The following TNR variants were observed in gnomAD, a reference collection of about 807,000 sequenced individuals.
TNR encodes the protein tenascin R.
In TNR, 45 loss-of-function variants were observed where a neutral mutation model predicts 150.4. The observed-to-expected ratio is 0.30, with a 90% CI of 0.24 to 0.38. The LOEUF is 0.38. TNR is among the 10% of genes least tolerant of loss of function. The pLI is 1.00. For missense variants in TNR, 1,544 were observed against 1,759.1 expected (o/e 0.88, Z 2.19); for synonymous variants, 687 against 678.4 (o/e 1.01, Z -0.20).
intron 6 of TNR, among the ~76,000 whole-genome samples, chr1:175,391,997 C>A (rs1016761900): frequency 1.3e-5 from 2 of 152,128 alleles, no homozygotes; most frequent in African/African-American, 4.8e-5. Context: ...GTGAATCTGT[C>A]GATGTCTTGT....
chr1:175,646,206 A>C (rs1452916519), intron 1 of TNR, among the ~76,000 whole-genome samples: 1 of 152,186 alleles, frequency 6.6e-6, no homozygotes, highest in African/African-American at 2.4e-5. Flanking sequence ...ATGGCCACTA[A>C]AAGGGCTCCC....
At chr1:175,522,784 A>G (rs1424742844) in intron 2 of TNR, among the ~76,000 whole-genome samples, 1 of 152,250 alleles carries the variant, frequency 6.6e-6, no homozygotes, top group Non-Finnish European at 1.5e-5. Flanking sequence ...CTCATTCACA[A>G]AATTGTAAGT....
At chr1:175,671,520 T>A (rs16848919) in intron 1 of TNR, among the ~76,000 whole-genome samples, 2,889 of 152,262 alleles carry the variant, frequency 0.019, 83 homozygotes, top group African/African-American at 0.064. Flanking sequence ...ATGCCAGTCT[T>A]CACTCAGCAT....
At chr1:175,692,843 T>G (rs1291094053) in intron 1 of TNR, among the ~76,000 whole-genome samples, 1 of 152,216 alleles carries the variant, frequency 6.6e-6, no homozygotes, top group Non-Finnish European at 1.5e-5. Context: ...CACATTGTTA[T>G]GTGAACTGGT....
At chr1:175,685,200 C>G (rs977418298) in intron 1 of TNR, among the ~76,000 whole-genome samples, 1 of 152,218 alleles carries the variant, frequency 6.6e-6, no homozygotes, top group African/African-American at 2.4e-5. Context: ...CTTTTTGTCC[C>G]TCAGTAATTG....
chr1:175,442,943 C>T (rs1327401615), intron 2 of TNR, among the ~76,000 whole-genome samples: 2 of 148,820 alleles, frequency 1.3e-5, no homozygotes, highest in Non-Finnish European at 2.9e-5. Context: ...GTGTTCAGTG[C>T]TATTTTGGTC....
chr1:175,570,901 G>A (rs998655092), intron 1 of TNR, among the ~76,000 whole-genome samples: 2 of 152,118 alleles, frequency 1.3e-5, no homozygotes, highest in Admixed American at 1.3e-4. Flanking sequence ...GAATCTCCAG[G>A]TTTTTTCATT....
Position 175,721,618 on chromosome 1 carries a change from G to T in TNR, c.-165+21608C>A, listed in dbSNP as rs1171335590. The stretch of plus-strand genomic sequence containing the variant: ...CTGCCTTACTCAGCTCCTGAAACCT[G>T]CCTTCACCTTTTTCTCTTACTCACC... On this transcript the variant is annotated intron_variant, in intron 1 of 22. Coordinates refer to ENST00000367674, the MANE Select transcript of TNR (RefSeq NM_003285.3). 3.9e-5 allele frequency among the ~76,000 whole-genome samples: 6 copies of T among 152,056 alleles called. No homozygotes were observed. The East Asian group carries it at 1.2e-3, about 29-fold the overall frequency.
At position 175,569,009 on chromosome 1, in the gene TNR, T is replaced by A. The variant is rs549718155; in HGVS notation, c.-164-40640A>T. On this transcript the variant is annotated intron_variant, in intron 1 of 22. Coordinates refer to ENST00000367674, the MANE Select transcript of TNR (RefSeq NM_003285.3). ...GTCTCAGTATTTTTATTCTACCTTC[T>A]ATGCAGGGACTGCCAAGGAAGGGCC... Among the ~76,000 whole-genome samples, 11 of 152,142 alleles carry A rather than the reference T, an allele frequency of 7.2e-5. No individual in the cohort carries two copies. In the South Asian group the frequency reaches 2.3e-3, roughly 32 times the overall value.
chr1:175,541,612 A>G (rs1053088952), intron 1 of TNR, among the ~76,000 whole-genome samples: 2 of 152,184 alleles, frequency 1.3e-5, no homozygotes, highest in Non-Finnish European at 2.9e-5. Flanking sequence ...GCAGAGAACC[A>G]TTACTGAATC....
intron 1 of TNR, among the ~76,000 whole-genome samples, chr1:175,697,819 T>C (rs1666577677): frequency 6.6e-6 from 1 of 152,158 alleles, no homozygotes; most frequent in African/African-American, 2.4e-5. Context: ...CAAGCACCAT[T>C]CCATGTGAGC....
At chr1:175,355,659 C>T (rs1651290124) in intron 16 of TNR, 26 bp from the exon 17 acceptor site, 1 of 1,612,384 alleles carries the variant, frequency 6.2e-7, no homozygotes, top group Non-Finnish European at 8.5e-7. Flanking sequence ...AGTGCCAGGG[C>T]ATGCCTGCCT....
At chr1:175,422,818 T>C (rs1654814662) in intron 2 of TNR, among the ~76,000 whole-genome samples, 1 of 152,232 alleles carries the variant, frequency 6.6e-6, no homozygotes, top group Non-Finnish European at 1.5e-5. Context: ...ACAGGCCCTA[T>C]TTGTCTCTCA....
At chr1:175,485,565 G>C (rs927136231) in intron 2 of TNR, among the ~76,000 whole-genome samples, 1 of 152,088 alleles carries the variant, frequency 6.6e-6, no homozygotes, top group African/African-American at 2.4e-5. Context: ...GGACTTAGAG[G>C]AGATAAATTT....
chr1:175,641,333 G>A (rs1216280778), intron 1 of TNR, among the ~76,000 whole-genome samples: 1 of 152,086 alleles, frequency 6.6e-6, no homozygotes, highest in Non-Finnish European at 1.5e-5. Flanking sequence ...GAGAGAGAAA[G>A]AAAGTGAGGG....
At chr1:175,352,671 T>G (rs1460176521) in intron 18 of TNR, among the ~76,000 whole-genome samples, 1 of 152,232 alleles carries the variant, frequency 6.6e-6, no homozygotes, top group Non-Finnish European at 1.5e-5. Flanking sequence ...AGATACATCT[T>G]GGATTCATGT....
At chr1:175,437,645 A>G (rs1052094787) in intron 2 of TNR, among the ~76,000 whole-genome samples, 9 of 152,216 alleles carry the variant, frequency 5.9e-5, no homozygotes, top group African/African-American at 1.9e-4. Context: ...ACTAATAAAG[A>G]AGAAAAGAGA....
intron 1 of TNR, among the ~76,000 whole-genome samples, chr1:175,559,885 G>A (rs1661353483): frequency 1.3e-5 from 2 of 152,216 alleles, no homozygotes; most frequent in Admixed American, 6.5e-5. Context: ...TACTCTTATG[G>A]CAACCTTCTG....
chr1:175,686,515 A>C (rs1255179930), intron 1 of TNR, among the ~76,000 whole-genome samples: 1 of 152,182 alleles, frequency 6.6e-6, no homozygotes, highest in Non-Finnish European at 1.5e-5. Context: ...ATTCTGGGGT[A>C]TGTGTGCAGA....
Sources: allele counts gnomAD v4.1 joint callset (sites outside exome capture counted in the v4.1 genomes callset), GRCh38; gene constraint gnomAD v4.1.1; transcripts MANE v1.5; gene names NCBI Gene and HGNC (gene_info 2026-07-23, HGNC 2026-07-21).